CRHR1: variants seen among roughly 807,000 people sequenced by gnomAD.
CRHR1 encodes corticotropin releasing hormone receptor 1, also known as corticotropin-releasing hormone receptor 1.
Under a neutral mutation model 56.0 loss-of-function variants are expected in CRHR1, and 28 were observed. The ratio of observed to expected loss-of-function variants is 0.50; its 90% confidence interval spans 0.37 to 0.69. CRHR1 has a LOEUF of 0.69. CRHR1 is among the 30% of genes least tolerant of loss of function. The pLI, the probability that CRHR1 is intolerant of heterozygous loss-of-function variation, is 0.00. For missense variants in CRHR1, 376 were observed against 548.0 expected, an observed-to-expected ratio of 0.69 and a Z score of 3.13; for synonymous variants, 195 against 216.5, an observed-to-expected ratio of 0.90 and a Z score of 0.87.
In CRHR1 at chr17:45,813,610, G is replaced by A. The variant is rs150592968; in HGVS notation, c.122-2853G>A. Among the ~76,000 whole-genome samples, 1,483 of 152,320 alleles carry A rather than the reference G, an allele frequency of 9.7e-3. 10 individuals are homozygous for A. The highest frequency in any genetic ancestry group is 0.051 in the Middle Eastern group (15 of 294). ...TGGGGAACTGGAGTCGCAGCTCTGC[G>A]ATCGAGGGGCAGCTGCCCAGATCAG... On this transcript the variant is annotated intron_variant, in intron 2 of 12. Coordinates refer to ENST00000314537, the MANE Select transcript of CRHR1 (RefSeq NM_004382.5).
At chr17:45,815,336 C>T (rs1048958649) in intron 2 of CRHR1, among the ~76,000 whole-genome samples, 2 of 152,176 alleles carry the variant, frequency 1.3e-5, no homozygotes, top group East Asian at 1.9e-4. Flanking sequence ...ACTGTGCCAG[C>T]CCCCACCCTT....
At chr17:45,832,178 G>A (rs1229633153) in intron 8 of CRHR1, among the ~76,000 whole-genome samples, 1 of 152,240 alleles carries the variant, frequency 6.6e-6, no homozygotes, top group East Asian at 1.9e-4. Flanking sequence ...GTTGCAGTGA[G>A]CCAAGATCGT....
At chr17:45,789,704 G>A (rs988030672) in intron 1 of CRHR1, among the ~76,000 whole-genome samples, 7 of 152,260 alleles carry the variant, frequency 4.6e-5, no homozygotes, top group African/African-American at 1.7e-4. Flanking sequence ...CTTGTCTTTG[G>A]ACTTGTTGCT....
At chr17:45,787,472 G>A (rs551993066) in intron 1 of CRHR1, among the ~76,000 whole-genome samples, 22 of 152,354 alleles carry the variant, frequency 1.4e-4, no homozygotes, top group Admixed American at 5.9e-4. Context: ...TCTTATATAA[G>A]CCAATTTAGC....
chr17:45,790,631 A>T (rs1433084987), intron 1 of CRHR1, among the ~76,000 whole-genome samples: 3 of 152,070 alleles, frequency 2.0e-5, no homozygotes, highest in African/African-American at 7.3e-5. Flanking sequence ...GTGCTTTGAG[A>T]TGGGATTTGT....
intron 10 of CRHR1, 81 bp downstream of exon 10, chr17:45,833,618 A>G: frequency 1.3e-6 from 2 of 1,590,830 alleles, no homozygotes; most frequent in Non-Finnish European, 1.7e-6. Context: ...GAGACCTGCC[A>G]CTCCCTCCCC....
intron 1 of CRHR1, among the ~76,000 whole-genome samples, chr17:45,802,584 A>C (rs1357658405): frequency 6.6e-6 from 1 of 152,232 alleles, no homozygotes; most frequent in Non-Finnish European, 1.5e-5. Context: ...TCCACAGAGC[A>C]AGAGGTGGCA....
At position 45,830,882 on chromosome 17, in the gene CRHR1, G is replaced by A. The variant is rs369917628; in HGVS notation, c.712G>A (p.Val238Met). The A allele has an allele frequency of 1.2e-6, 2 of 1,613,712 alleles. No homozygotes were observed. Among genetic ancestry groups the A allele is most frequent in the African/African-American group, 1.3e-5 (1 of 74,932 alleles). The change falls in exon 8 of 13, where the codon GTG becomes ATG. Residue 238 changes from valine to methionine, a missense_variant and splice_region_variant. Physicochemically the swap from Val to Met is conservative, Grantham distance 21. Around this residue, in one of 2 missense-constraint regions of CRHR1, gnomAD observed 369 missense variants for 519.5 expected, o/e 0.71. Transcript: ENST00000314537. ...GTGACAGCCCATCTCTCCCCCAGGT[G>A]TGCCCTTCCCCATCATTGTGGCCTG... ...KWMFICIGWG[V>M]PFPIIVAWAI... is the part of the protein sequence containing the mutation.
At chr17:45,814,981 A>G (rs533301143) in intron 2 of CRHR1, among the ~76,000 whole-genome samples, 1 of 152,276 alleles carries the variant, frequency 6.6e-6, no homozygotes, top group African/African-American at 2.4e-5. Context: ...CATTTGGTAC[A>G]AGTGCTGCTC....
At chr17:45,786,708 T>A (rs2146246715) in intron 1 of CRHR1, among the ~76,000 whole-genome samples, 2 of 146,720 alleles carry the variant, frequency 1.4e-5, no homozygotes, top group East Asian at 2.2e-4. Flanking sequence ...GGTGTGATCA[T>A]GGCTCACTGA....
chr17:45,830,061 C>T (rs561942960), intron 5 of CRHR1, 33 bp from the exon 6 acceptor site: 18 of 1,613,322 alleles, frequency 1.1e-5, no homozygotes, highest in Non-Finnish European at 1.4e-5. Flanking sequence ...TCTCTCCTAT[C>T]GCTCCCATCA....
In CRHR1 at chr17:45,834,945, A is replaced by C. The variant is rs2062406940; in HGVS notation, c.*181A>C. 5 of 807,194 alleles carry C rather than the reference A, an allele frequency of 6.2e-6. No homozygotes were observed. Among genetic ancestry groups the C allele is most frequent in the Non-Finnish European group, 7.6e-6 (4 of 525,568 alleles). The allele number at this position is 807,194 out of a possible 1,614,324, so 50.0% of individuals were successfully genotyped here. ...CTGCAGCCGTGCAGGACTCTAGCTC[A>C]TGAGTGGAAAGTCACCTACAGGACT... is the stretch of plus-strand genomic sequence containing the variant. On this transcript the variant is annotated 3_prime_UTR_variant, in exon 13 of 13. Coordinates refer to ENST00000314537, the MANE Select transcript of CRHR1 (RefSeq NM_004382.5).
chr17:45,829,487 C>T (rs1357753376), intron 5 of CRHR1, 166 bp downstream of exon 5: 12 of 1,422,014 alleles, frequency 8.4e-6, no homozygotes, highest in South Asian at 2.6e-5. Flanking sequence ...CTGGCAGAGC[C>T]GCTCTGCCCT....
In CRHR1 at chr17:45,784,504, A is replaced by C; in HGVS notation, c.-41A>C. On this transcript the variant is annotated 5_prime_UTR_variant, in exon 1 of 13. Coordinates refer to ENST00000314537, the MANE Select transcript of CRHR1 (RefSeq NM_004382.5). The surrounding 1 kb of genome is among the most constrained non-coding windows in gnomAD (Gnocchi z 4.2). ...CCGCCGGTCCCTCTGGGATGTCCGT[A>C]GGACCCGGGCATTCAGGACGGTAGC... 6.6e-7 allele frequency: 1 copy of C among 1,525,288 alleles called. No individual in the cohort carries two copies. The highest frequency in any genetic ancestry group is 8.8e-7 in the Non-Finnish European group (1 of 1,134,840). The allele number at this position is 1,525,288 out of a possible 1,614,324, so 94.5% of individuals were successfully genotyped here. A position where few individuals can be genotyped will look rare whatever the true frequency, so the allele number is the denominator to read the frequency against.
intron 2 of CRHR1, among the ~76,000 whole-genome samples, chr17:45,810,920 TCTGA>T (rs1319585454): frequency 6.6e-6 from 1 of 152,236 alleles, no homozygotes; most frequent in Non-Finnish European, 1.5e-5. Flanking sequence ...AGCACATTCC[TCTGA>T]CTGGGCAAGA....
chr17:45,831,704 C>T (rs1005192381), intron 8 of CRHR1, among the ~76,000 whole-genome samples: 1 of 152,218 alleles, frequency 6.6e-6, no homozygotes, highest in African/African-American at 2.4e-5. Flanking sequence ...AGATTGAGAA[C>T]CACTGAGAGA....
rs1000169438 is a variant in CRHR1, at chr17:45,828,327, G to A, written c.328-888G>A. Among the ~76,000 whole-genome samples, 11 of 152,280 alleles carry A rather than the reference G, an allele frequency of 7.2e-5. 1 individual carries two copies. The highest frequency in any genetic ancestry group is 1.6e-4 in the Non-Finnish European group (11 of 68,016). On this transcript the variant is annotated intron_variant, in intron 4 of 12. Coordinates refer to ENST00000314537, the MANE Select transcript of CRHR1 (RefSeq NM_004382.5). ...GCAAGAGGTGGTTTTGGAGTTGCGC[G>A]ACCTCCAGCGCGTCAGCATAACCTC...
chr17:45,792,523 C>T (rs1168284090), intron 1 of CRHR1, among the ~76,000 whole-genome samples: 1 of 152,218 alleles, frequency 6.6e-6, no homozygotes, highest in Non-Finnish European at 1.5e-5. Flanking sequence ...CTGCCAACCC[C>T]TACCCAGCAG....
At position 45,833,201 on chromosome 17, in the gene CRHR1, G is replaced by A; in HGVS notation, c.834G>A (p.Leu278=). 6.2e-7 allele frequency: 1 copy of A among 1,614,086 alleles called. No individual in the cohort carries two copies. Among genetic ancestry groups the A allele is most frequent in the Non-Finnish European group, 8.5e-7 (1 of 1,179,988 alleles). ...ACATCTACCAGGGCCCCATGATCCT[G>A]GTCCTGCTGGTAAGAACCTGGGTAG... ...TDYIYQGPMI[L]VLLINFIFLF... Residue 278 remains leucine (L), a synonymous_variant, in exon 9 of 13, where the codon CTG becomes CTA. Transcript: ENST00000314537.
Sources: allele counts gnomAD v4.1 joint callset (sites outside exome capture counted in the v4.1 genomes callset), GRCh38; gene constraint gnomAD v4.1.1; regional missense constraint gnomAD v4.1.1; non-coding constraint Gnocchi (gnomAD v3.1); transcripts MANE v1.5; gene names NCBI Gene and HGNC (gene_info 2026-07-23, HGNC 2026-07-21).